LITAF: variants seen among roughly 807,000 people sequenced by gnomAD.
LITAF encodes the protein lipopolysaccharide-induced tumor necrosis factor-alpha factor.
In LITAF, 9 loss-of-function variants were observed where a neutral mutation model predicts 14.5. The ratio of observed to expected loss-of-function variants is 0.62; its 90% CI spans 0.37 to 1.08. The LOEUF is 1.08. Ranked by LOEUF, LITAF falls within the 50% of genes least tolerant of loss-of-function variation. The probability of loss-of-function intolerance (pLI) is 0.01; values close to 1 mark genes in which losing one functional copy is unlikely to be tolerated. For synonymous variants in LITAF, 98 were observed against 88.2 expected, an observed-to-expected ratio of 1.11 and a Z score of -0.62; for missense variants, 206 against 213.4, an observed-to-expected ratio of 0.97 and a Z score of 0.22.
At chr16:11,637,898 CTA>C (rs370179228), upstream of LITAF, among the ~76,000 whole-genome samples, 17 of 27,220 alleles carry the variant, frequency 6.2e-4, 2 homozygotes, top group African/African-American at 2.0e-3. Flanking sequence ...AAAAAAAAAA[CTA>C]TATATATATA....
upstream of LITAF, among the ~76,000 whole-genome samples, chr16:11,589,401 A>G (rs867178019): frequency 7.9e-5 from 12 of 152,342 alleles, no homozygotes; most frequent in Middle Eastern, 3.4e-3. Flanking sequence ...CACTCTGGCC[A>G]CCTCTGTCCA....
chr16:11,623,261 G>A (rs925189866), intron 3 of LITAF, among the ~76,000 whole-genome samples: 1 of 151,716 alleles, frequency 6.6e-6, no homozygotes, highest in Non-Finnish European at 1.5e-5. Flanking sequence ...GCGCCCGGCC[G>A]AATATATTTT....
intron 1 of LITAF, among the ~76,000 whole-genome samples, chr16:11,573,769 T>A (rs1300222390): frequency 1.4e-5 from 2 of 141,454 alleles, no homozygotes; most frequent in Non-Finnish European, 3.1e-5. Flanking sequence ...TGGCGCGATC[T>A]CGACTCACTG....
chr16:11,555,536 G>A (rs933115691), intron 2 of LITAF, among the ~76,000 whole-genome samples: 9 of 151,958 alleles, frequency 5.9e-5, no homozygotes, highest in African/African-American at 1.9e-4. Flanking sequence ...CTGTATGCCT[G>A]TAGTCTCAGC....
At chr16:11,593,031 C>T (rs1038561145) in intron 1 of LITAF, among the ~76,000 whole-genome samples, 3 of 152,110 alleles carry the variant, frequency 2.0e-5, no homozygotes, top group South Asian at 2.1e-4. Flanking sequence ...ATTAGCCGGG[C>T]GTTATGGCAG....
chr16:11,630,422 C>T (rs2065110821), intron 3 of LITAF, among the ~76,000 whole-genome samples: 3 of 152,210 alleles, frequency 2.0e-5, no homozygotes, highest in Non-Finnish European at 4.4e-5. Flanking sequence ...GCAGGCCCTG[C>T]TCTGGCGGGG....
chr16:11,575,022 C>T lies in LITAF; in HGVS notation c.-6+11864G>A, dbSNP rs185796657. 5.1e-3 allele frequency among the ~76,000 whole-genome samples: 773 copies of T among 152,182 alleles called. 5 individuals are homozygous for T. Among genetic ancestry groups the T allele is most frequent in the African/African-American group, 0.018 (731 of 41,532 alleles). Reference sequence around the variant, plus strand: ...TTCACCATGTTGGCCAGGCTGGTCTCGAACTCCTGACCTCAAGTGATCCGC... The same window carrying T: ...TTCACCATGTTGGCCAGGCTGGTCTTGAACTCCTGACCTCAAGTGATCCGC... On this transcript the variant is annotated intron_variant, in intron 1 of 3. Coordinates refer to ENST00000622633, the MANE Select transcript of LITAF (RefSeq NM_001136472.2).
intron 3 of LITAF, among the ~76,000 whole-genome samples, chr16:11,611,793 G>C (rs1400696284): frequency 1.3e-5 from 2 of 151,978 alleles, no homozygotes; most frequent in African/African-American, 2.4e-5. Context: ...CTCCTGAGTA[G>C]CTGGGATTAC....
intron 1 of LITAF, chr16:11,561,418 G>A (rs2064364039): frequency 6.6e-6 from 1 of 152,226 alleles, no homozygotes; most frequent in Non-Finnish European, 1.5e-5. Context: ...GTGGGCCCCA[G>A]TTTCTCGTTT....
At chr16:11,593,354 C>CAAA (rs57678584) in intron 1 of LITAF, among the ~76,000 whole-genome samples, 21 of 54,730 alleles carry the variant, frequency 3.8e-4, no homozygotes, top group African/African-American at 7.1e-4. Context: ...AACTCTGTCT[C>CAAA]AAAAAAAAAA....
At chr16:11,578,686 G>A (rs1297282731) in intron 1 of LITAF, among the ~76,000 whole-genome samples, 2 of 152,214 alleles carry the variant, frequency 1.3e-5, no homozygotes, top group African/African-American at 4.8e-5. Flanking sequence ...GCCCTCTGAT[G>A]TGACAGGATG....
chr16:11,625,515 C>T (rs144465260), intron 3 of LITAF, among the ~76,000 whole-genome samples: 254 of 152,182 alleles, frequency 1.7e-3, no homozygotes, highest in African/African-American at 5.3e-3. Context: ...TGCCCATCTC[C>T]GCCTCCCAAA....
intron 2 of LITAF, among the ~76,000 whole-genome samples, chr16:11,555,148 T>A (rs1014095610): frequency 7.9e-5 from 12 of 152,126 alleles, no homozygotes; most frequent in Admixed American, 3.3e-4. Context: ...TCCTCCCACC[T>A]CAGCCTCCCA....
At chr16:11,554,542 C>CTT (rs1391005568) in intron 2 of LITAF, among the ~76,000 whole-genome samples, 1 of 152,068 alleles carries the variant, frequency 6.6e-6, no homozygotes, top group Non-Finnish European at 1.5e-5. Flanking sequence ...CAGCAAATCC[C>CTT]TTGGCTTTGG....
At chr16:11,550,647 T>A (rs1487624211) in intron 3 of LITAF, among the ~76,000 whole-genome samples, 1 of 152,126 alleles carries the variant, frequency 6.6e-6, no homozygotes, top group Non-Finnish European at 1.5e-5. Context: ...GATCTTTTAG[T>A]CTTTTTGTTG....
At chr16:11,636,989 C>T (rs1368738633), upstream of LITAF, among the ~76,000 whole-genome samples, 1 of 152,008 alleles carries the variant, frequency 6.6e-6, no homozygotes, top group African/African-American at 2.4e-5. Flanking sequence ...CCTGCCTCAG[C>T]CTCCTGGGTA....
upstream of LITAF, among the ~76,000 whole-genome samples, chr16:11,599,796 T>C (rs12449182): frequency 0.7 from 106,165 of 151,948 alleles, 38,221 homozygotes; most frequent in African/African-American, 0.89. Flanking sequence ...AGAACTGTCC[T>C]GCCTCAGGAC....
intron 1 of LITAF, among the ~76,000 whole-genome samples, chr16:11,572,075 C>A (rs2064550457): frequency 6.6e-6 from 1 of 152,170 alleles, no homozygotes; most frequent in South Asian, 2.1e-4. Flanking sequence ...GGTGAAAGAG[C>A]AAGACCCTAT....
At chr16:11,620,838 C>T (rs2065045903) in intron 3 of LITAF, among the ~76,000 whole-genome samples, 1 of 152,184 alleles carries the variant, frequency 6.6e-6, no homozygotes, top group South Asian at 2.1e-4. Context: ...TGGCCCTGCC[C>T]ACATCTCCCT....
Sources: gnomAD v4.1 joint callset for allele counts (sites outside exome capture counted in the v4.1 genomes callset) on GRCh38, gnomAD v4.1.1 for gene constraint, MANE v1.5 for transcripts, NCBI Gene and HGNC (gene_info 2026-07-23, HGNC 2026-07-21) for gene names.